Variants in ZFAND3 observed in about 807,000 individuals in gnomAD.
The protein encoded by ZFAND3 is AN1-type zinc finger protein 3.
In ZFAND3, 10 loss-of-function variants were observed where a neutral mutation model predicts 29.6. The observed-to-expected ratio is 0.34, with a 90% CI of 0.21 to 0.57. ZFAND3 has a LOEUF of 0.57. Ranked by LOEUF, ZFAND3 falls within the 20% of genes least tolerant of loss-of-function variation. ZFAND3 has a pLI of 0.86. For synonymous variants in ZFAND3, 128 were observed against 112.6 expected, an observed-to-expected ratio of 1.14 and a Z score of -0.87; for missense variants, 230 against 304.5, an observed-to-expected ratio of 0.76 and a Z score of 1.82.
intron 4 of ZFAND3, among the ~76,000 whole-genome samples, chr6:38,093,538 G>C (rs1764914507): frequency 1.3e-5 from 2 of 152,136 alleles, no homozygotes; most frequent in Admixed American, 6.6e-5. Context: ...CTGTGTTTCA[G>C]GGCAGGAAAG....
intron 1 of ZFAND3, among the ~76,000 whole-genome samples, chr6:37,856,519 C>T (rs778302371): frequency 5.9e-5 from 9 of 152,284 alleles, no homozygotes; most frequent in South Asian, 2.1e-4. Flanking sequence ...ATACCACCTA[C>T]GGACTTCCAC....
intron 1 of ZFAND3, among the ~76,000 whole-genome samples, chr6:37,873,480 G>C (rs771302116): frequency 6.6e-6 from 1 of 152,184 alleles, no homozygotes; most frequent in Admixed American, 6.5e-5. Flanking sequence ...TGTGATTCTT[G>C]GATCTATCGT....
Position 38,094,018 on chromosome 6 carries a change from C to G in ZFAND3, c.361+11561C>G, listed in dbSNP as rs1432120008. Among the ~76,000 whole-genome samples, 5 of 152,216 alleles carry G rather than the reference C, an allele frequency of 3.3e-5. No homozygotes were observed. The East Asian group carries it at 9.7e-4, about 29-fold the overall frequency. ...AGGCAGAAACCCAGAAGGGTTATTTCTATCTAAGAGTGTAAGGAAGGACAT... is the reference window on the plus strand; with the variant it reads ...AGGCAGAAACCCAGAAGGGTTATTTGTATCTAAGAGTGTAAGGAAGGACAT... On this transcript the variant is annotated intron_variant, in intron 4 of 5. Coordinates refer to ENST00000287218, the MANE Select transcript of ZFAND3 (RefSeq NM_021943.3).
intron 5 of ZFAND3, among the ~76,000 whole-genome samples, chr6:38,124,160 A>G (rs1765585537): frequency 6.6e-6 from 1 of 152,168 alleles, no homozygotes; most frequent in Admixed American, 6.5e-5. Flanking sequence ...TGTATTTACA[A>G]ACCTTGAACT....
At chr6:37,967,677 A>G (rs140187180) in intron 2 of ZFAND3, among the ~76,000 whole-genome samples, 118 of 152,256 alleles carry the variant, frequency 7.8e-4, no homozygotes, top group African/African-American at 2.6e-3. Context: ...TAGTTTTCTC[A>G]CTTTCTTTTA....
At chr6:37,972,559 A>C (rs1447045597) in intron 2 of ZFAND3, among the ~76,000 whole-genome samples, 1 of 152,216 alleles carries the variant, frequency 6.6e-6, no homozygotes, top group Non-Finnish European at 1.5e-5. Context: ...GTATGATTTG[A>C]AACACTCAAG....
chr6:37,968,655 T>G (rs1762333074), intron 2 of ZFAND3, among the ~76,000 whole-genome samples: 1 of 152,162 alleles, frequency 6.6e-6, no homozygotes, highest in Non-Finnish European at 1.5e-5. Flanking sequence ...TCATGTTTTC[T>G]CATCAGGCCA....
intron 1 of ZFAND3, among the ~76,000 whole-genome samples, chr6:37,828,420 G>A (rs936434404): frequency 3.9e-5 from 6 of 152,022 alleles, no homozygotes; most frequent in African/African-American, 1.4e-4. Flanking sequence ...GGATGCTTTC[G>A]GCAGAAAAAT....
At chr6:37,984,588 A>C (rs1319308284) in intron 2 of ZFAND3, among the ~76,000 whole-genome samples, 2 of 152,244 alleles carry the variant, frequency 1.3e-5, no homozygotes, top group Admixed American at 1.3e-4. Flanking sequence ...ATATGATTAC[A>C]TAATTTGAAC....
chr6:37,978,638 A>G lies in ZFAND3; in HGVS notation c.112+48639A>G, dbSNP rs183830975. Among the ~76,000 whole-genome samples the G allele has an allele frequency of 3.4e-3, 517 of 152,264 alleles. 1 individual carries two copies. The highest frequency in any genetic ancestry group is 6.3e-3 in the Non-Finnish European group (429 of 68,004). On this transcript the variant is annotated intron_variant, in intron 2 of 5. Transcript: ENST00000287218. ...TGATACACGGTTATTCAGAATATCTATTTCTTCTTGAGTGAGCTTGTCTTT... is the reference window on the plus strand; with the variant it reads ...TGATACACGGTTATTCAGAATATCTGTTTCTTCTTGAGTGAGCTTGTCTTT...
intron 1 of ZFAND3, among the ~76,000 whole-genome samples, chr6:37,847,855 TA>T (rs983060392): frequency 6.6e-6 from 1 of 152,242 alleles, no homozygotes; most frequent in Non-Finnish European, 1.5e-5. Flanking sequence ...AGTATGTTCA[TA>T]AATAAAGTTT....
intron 1 of ZFAND3, among the ~76,000 whole-genome samples, chr6:37,823,991 TTA>T (rs771153384): frequency 6.6e-6 from 1 of 152,158 alleles, no homozygotes; most frequent in Non-Finnish European, 1.5e-5. Context: ...TGGGAGACTG[TTA>T]TCGAACTCCC....
At chr6:38,075,257 C>CT (rs1322367044) in intron 3 of ZFAND3, among the ~76,000 whole-genome samples, 1 of 152,170 alleles carries the variant, frequency 6.6e-6, no homozygotes, top group Non-Finnish European at 1.5e-5. Flanking sequence ...CTAGAAAGGA[C>CT]TCACCATTCT....
chr6:37,950,766 C>T (rs567052474), intron 2 of ZFAND3, among the ~76,000 whole-genome samples: 1 of 152,290 alleles, frequency 6.6e-6, no homozygotes, highest in East Asian at 1.9e-4. Context: ...CAGTACTATG[C>T]TGTTCTGGTT....
chr6:38,148,824 G>A (rs1213031808), intron 5 of ZFAND3, among the ~76,000 whole-genome samples: 4 of 152,138 alleles, frequency 2.6e-5, no homozygotes, highest in Admixed American at 2.6e-4. Flanking sequence ...GATAATACCT[G>A]CTCAGCATTT....
At chr6:37,867,929 A>G (rs998190109) in intron 1 of ZFAND3, among the ~76,000 whole-genome samples, 1 of 152,212 alleles carries the variant, frequency 6.6e-6, no homozygotes, top group Non-Finnish European at 1.5e-5. Flanking sequence ...TTGCTATTAT[A>G]CCAGGGGACA....
At chr6:38,118,165 C>G (rs945341153) in intron 5 of ZFAND3, among the ~76,000 whole-genome samples, 4 of 152,182 alleles carry the variant, frequency 2.6e-5, no homozygotes, top group African/African-American at 9.7e-5. Context: ...TTCATGCACG[C>G]AGTATGGCCC....
intron 2 of ZFAND3, among the ~76,000 whole-genome samples, chr6:38,035,156 T>C (rs1414524165): frequency 6.6e-6 from 1 of 152,170 alleles, no homozygotes; most frequent in Non-Finnish European, 1.5e-5. Context: ...ATTAAAGTTC[T>C]TTTTCCTTGG....
intron 1 of ZFAND3, among the ~76,000 whole-genome samples, chr6:37,866,984 A>T (rs1764601285): frequency 6.6e-6 from 1 of 152,202 alleles, no homozygotes; most frequent in Admixed American, 6.5e-5. Context: ...ATTTTGTCTG[A>T]ATTGTTTAAT....
Sources: allele counts gnomAD v4.1 joint callset (sites outside exome capture counted in the v4.1 genomes callset), GRCh38; gene constraint gnomAD v4.1.1; transcripts MANE v1.5; gene names NCBI Gene and HGNC (gene_info 2026-07-23, HGNC 2026-07-21).